ARNT2: variants seen among roughly 807,000 people sequenced by gnomAD.
ARNT2 encodes the protein aryl hydrocarbon receptor nuclear translocator 2.
ARNT2 carries 36 observed loss-of-function variants against 91.7 expected under a neutral mutation model. The observed-to-expected ratio is 0.39, with a 90% CI of 0.30 to 0.52. The LOEUF is 0.52. Ranked by LOEUF, ARNT2 falls within the 20% of genes least tolerant of loss-of-function variation. The probability of loss-of-function intolerance (pLI) is 0.72; values close to 1 mark genes in which losing one functional copy is unlikely to be tolerated. For synonymous variants in ARNT2, 365 were observed against 347.1 expected (o/e 1.05, Z -0.57); for missense variants, 775 against 939.3 (o/e 0.83, Z 2.29).
At chr15:80,492,945 T>C (rs1167451035) in intron 5 of ARNT2, among the ~76,000 whole-genome samples, 1 of 152,266 alleles carries the variant, frequency 6.6e-6, no homozygotes, top group African/African-American at 2.4e-5. Context: ...TCTTGGTGTC[T>C]TAATCTGTTT....
intron 1 of ARNT2, among the ~76,000 whole-genome samples, chr15:80,407,492 T>A (rs1356272225): frequency 6.6e-6 from 1 of 152,236 alleles, no homozygotes; most frequent in East Asian, 1.9e-4. Context: ...AGGATTGGGC[T>A]CCCAGATATT....
chr15:80,457,816 G>T, intron 2 of ARNT2, 113 bp from the exon 3 acceptor site: 2 of 1,136,294 alleles, frequency 1.8e-6, no homozygotes, highest in Non-Finnish European at 2.6e-6. Context: ...CAAAGGTTGG[G>T]ATCAATGGAT....
At chr15:80,578,778 A>C (rs1293090926) in intron 15 of ARNT2, among the ~76,000 whole-genome samples, 1 of 152,146 alleles carries the variant, frequency 6.6e-6, no homozygotes, top group Non-Finnish European at 1.5e-5. Context: ...TAGTCTGTAA[A>C]ATGAATGAAT....
At chr15:80,512,867 G>C (rs941631327) in intron 6 of ARNT2, among the ~76,000 whole-genome samples, 1 of 152,194 alleles carries the variant, frequency 6.6e-6, no homozygotes, top group Non-Finnish European at 1.5e-5. Context: ...TACTGCCTGT[G>C]TTTACCTGAG....
intron 8 of ARNT2, among the ~76,000 whole-genome samples, chr15:80,531,561 G>T (rs910575191): frequency 2.6e-5 from 4 of 152,176 alleles, no homozygotes; most frequent in Admixed American, 2.6e-4. Flanking sequence ...GCTCCTTCTG[G>T]TCCTGGCATC....
intron 5 of ARNT2, among the ~76,000 whole-genome samples, chr15:80,484,534 A>T (rs1173577094): frequency 1.3e-5 from 2 of 152,194 alleles, no homozygotes; most frequent in African/African-American, 4.8e-5. Context: ...GTTGTTAAAT[A>T]TTTATACAAC....
At position 80,564,356 on chromosome 15, in the gene ARNT2, C is replaced by T. The variant is rs903203141; in HGVS notation, c.1316+1117C>T. Among the ~76,000 whole-genome samples the T allele has an allele frequency of 5.3e-5, 8 of 152,092 alleles. No individual in the cohort carries two copies. In the East Asian group the frequency reaches 1.2e-3, roughly 22 times the overall value. Reference sequence around the variant, plus strand: ...CTTGCCTGGCTCTGCCCTCTGTTGCCGTCTCTGAGCCCCTTGGATTTGGGA... The same window carrying T: ...CTTGCCTGGCTCTGCCCTCTGTTGCTGTCTCTGAGCCCCTTGGATTTGGGA... On this transcript the variant is annotated intron_variant, in intron 12 of 18. Transcript: ENST00000303329.
Position 80,591,436 on chromosome 15 carries a change from AAC to A in ARNT2, c.1919-128_1919-127del. On this transcript the variant is annotated intron_variant, in intron 17 of 18. Coordinates refer to ENST00000303329, the MANE Select transcript of ARNT2 (RefSeq NM_014862.4). The surrounding 1 kb of genome is among the most constrained non-coding windows in gnomAD (Gnocchi z 5.1). ...GCCAGTGAGAAAGACGAGGATAGCA[AAC>A]ACATTCCGCCAGCTCTGGATGGAAC... 2 of 1,183,696 alleles carry A rather than the reference AAC, an allele frequency of 1.7e-6. No individual in the cohort carries two copies. Among genetic ancestry groups the A allele is most frequent in the East Asian group, 2.4e-5 (1 of 42,456 alleles). The allele number at this position is 1,183,696 out of a possible 1,614,324, so 73.3% of individuals were successfully genotyped here.
intron 5 of ARNT2, among the ~76,000 whole-genome samples, chr15:80,478,748 G>A (rs1896843873): frequency 6.6e-6 from 1 of 152,240 alleles, no homozygotes; most frequent in Admixed American, 6.5e-5. Flanking sequence ...CTGCTACTCA[G>A]ACAGGCCTTA....
intron 8 of ARNT2, among the ~76,000 whole-genome samples, chr15:80,530,329 T>C (rs998293207): frequency 5.9e-5 from 9 of 152,110 alleles, no homozygotes; most frequent in Non-Finnish European, 1.3e-4. Context: ...ACACCCCCTG[T>C]AGTGAGCGCA....
At chr15:80,496,178 A>G (rs892132479) in intron 5 of ARNT2, among the ~76,000 whole-genome samples, 1 of 151,830 alleles carries the variant, frequency 6.6e-6, no homozygotes, top group Admixed American at 6.6e-5. Flanking sequence ...CCCTCTCTTG[A>G]CAATATTATT....
At chr15:80,525,866 A>G (rs544010684) in intron 8 of ARNT2, among the ~76,000 whole-genome samples, 1 of 152,324 alleles carries the variant, frequency 6.6e-6, no homozygotes, top group Admixed American at 6.5e-5. Flanking sequence ...CATGAGTTCA[A>G]GTTCCCTAAT....
At chr15:80,592,051 G>C (rs147572597) in intron 18 of ARNT2, among the ~76,000 whole-genome samples, 24 of 152,030 alleles carry the variant, frequency 1.6e-4, no homozygotes, top group African/African-American at 5.3e-4. Context: ...AGGCTTGGCT[G>C]TCTGTCACTG....
chr15:80,515,991 T>C (rs1338384651), intron 8 of ARNT2, among the ~76,000 whole-genome samples: 1 of 150,986 alleles, frequency 6.6e-6, no homozygotes, highest in Non-Finnish European at 1.5e-5. Context: ...TGCCTCAGCC[T>C]CCTGAGTAGC....
intron 5 of ARNT2, among the ~76,000 whole-genome samples, chr15:80,489,250 A>G (rs1335898976): frequency 2.0e-5 from 3 of 152,246 alleles, no homozygotes; most frequent in Admixed American, 2.0e-4. Context: ...CTCATGCCAC[A>G]TGGCTAAATA....
chr15:80,468,139 C>T (rs1024697344), intron 3 of ARNT2, among the ~76,000 whole-genome samples: 2 of 152,166 alleles, frequency 1.3e-5, no homozygotes, highest in Non-Finnish European at 1.5e-5. Flanking sequence ...TGGCTGTGCT[C>T]TGTGGACCAA....
intron 1 of ARNT2, among the ~76,000 whole-genome samples, chr15:80,436,678 C>T (rs1260299783): frequency 6.6e-6 from 1 of 152,170 alleles, no homozygotes; most frequent in African/African-American, 2.4e-5. Context: ...GTCTGGACAA[C>T]AATCAGTACA....
chr15:80,587,286 G>A (rs1296784038), intron 17 of ARNT2, among the ~76,000 whole-genome samples: 1 of 151,402 alleles, frequency 6.6e-6, no homozygotes, highest in Non-Finnish European at 1.5e-5. Flanking sequence ...TGTTGTGGGG[G>A]GGCTATCTCT....
Position 80,596,202 on chromosome 15 carries a change from C to G in ARNT2, c.*2504C>G, listed in dbSNP as rs1893372568. 1 of 152,220 alleles carries G rather than the reference C, an allele frequency of 6.6e-6. No homozygotes were observed. The highest frequency in any genetic ancestry group is 2.4e-5 in the African/African-American group (1 of 41,438). The allele number at this position is 152,220 out of a possible 1,614,324, so 9.4% of individuals were successfully genotyped here. On this transcript the variant is annotated 3_prime_UTR_variant, in exon 19 of 19. Coordinates refer to ENST00000303329, the MANE Select transcript of ARNT2 (RefSeq NM_014862.4). ...CAACAGGGGTCCAGGGTGCAGTGAA[C>G]TCAGTTCTTGGCCCTTGGGTGAGGA...
Sources: gnomAD v4.1 joint callset for allele counts (sites outside exome capture counted in the v4.1 genomes callset) on GRCh38, gnomAD v4.1.1 for gene constraint, Gnocchi (gnomAD v3.1) non-coding constraint, MANE v1.5 for transcripts, NCBI Gene and HGNC (gene_info 2026-07-23, HGNC 2026-07-21) for gene names.